The following DGKG variants were observed in gnomAD, a reference collection of about 807,000 sequenced individuals.
DGKG encodes the protein diacylglycerol kinase gamma, also known as DAG kinase gamma.
Under a neutral mutation model 105.3 loss-of-function variants are expected in DGKG, and 78 were observed. That is an observed-to-expected ratio of 0.74 (90% CI 0.62 to 0.89). DGKG has a LOEUF of 0.89. Ranked by LOEUF, DGKG falls within the 40% of genes least tolerant of loss-of-function variation. DGKG has a pLI of 0.00. For synonymous variants in DGKG, 346 were observed against 367.1 expected (o/e 0.94, Z 0.66); for missense variants, 958 against 1,020.1 (o/e 0.94, Z 0.83).
At chr3:186,204,451 A>G (rs1252144759) in intron 21 of DGKG, among the ~76,000 whole-genome samples, 1 of 152,144 alleles carries the variant, frequency 6.6e-6, no homozygotes, top group Non-Finnish European at 1.5e-5. Flanking sequence ...TGGAATAGCT[A>G]AAGGTATCTG....
Position 186,176,329 on chromosome 3 carries a change from A to T in DGKG, c.2096-11311T>A, listed in dbSNP as rs576499956. On this transcript the variant is annotated intron_variant, in intron 22 of 24. Transcript: ENST00000265022. ...ATCCTGATTCTCAGGCGTGGCATAT[A>T]CAAGGTACATTCCAGAGATCTGCAC... Among the ~76,000 whole-genome samples, 50 of 152,268 alleles carry T rather than the reference A, an allele frequency of 3.3e-4. 1 individual carries two copies. The highest frequency in any genetic ancestry group is 1.2e-3 in the African/African-American group (48 of 41,540).
chr3:186,174,652 CTGTGTGTGTGTGTGTGTGTG>C lies in DGKG; in HGVS notation c.2096-9654_2096-9635del, dbSNP rs67342971. Among the ~76,000 whole-genome samples the C allele has an allele frequency of 9.6e-3, 1,396 of 145,910 alleles. 27 individuals carry two copies. Among genetic ancestry groups the C allele is most frequent in the African/African-American group, 0.032 (1,255 of 39,404 alleles). ...ATGAACTCCCCTCCTTTCCCTGCGG[CTGTGTGTGTGTGTGTGTGTG>C]TGTGTGTGTGTGTGTGTGTGTGTGT... On this transcript the variant is annotated intron_variant, in intron 22 of 24. Transcript: ENST00000265022.
At position 186,149,797 on chromosome 3, in the gene DGKG, G is replaced by C; in HGVS notation, c.*293C>G. 8.9e-7 allele frequency: 1 copy of C among 1,127,200 alleles called. No individual in the cohort carries two copies. Among genetic ancestry groups the C allele is most frequent in the East Asian group, 5.2e-5 (1 of 19,308 alleles). The allele number at this position is 1,127,200 out of a possible 1,614,324, so 69.8% of individuals were successfully genotyped here. On this transcript the variant is annotated 3_prime_UTR_variant, in exon 25 of 25. Coordinates refer to ENST00000265022, the MANE Select transcript of DGKG (RefSeq NM_001346.3). ...TTCAGTCTCAGAAAATTCTGCTCAA[G>C]GCCTGTGGGAATGTGGAGGTTGCTG... is the stretch of plus-strand genomic sequence containing the variant.
chr3:186,231,638 G>T lies in DGKG; in HGVS notation c.1826+10866C>A, dbSNP rs1438349841. The stretch of plus-strand genomic sequence containing the variant: ...ATTCATGCTTTAAAAACTATACTAG[G>T]CCAGGTGTGGTCACTCACGCCTGTA... On this transcript the variant is annotated intron_variant, in intron 20 of 24. Transcript: ENST00000265022. This position sits in a 1 kb window ranked among gnomAD's most constrained non-coding sequence, Gnocchi z 4.5. Among the ~76,000 whole-genome samples the T allele has an allele frequency of 6.6e-6, 1 of 152,090 alleles. No homozygotes were observed. Among genetic ancestry groups the T allele is most frequent in the Admixed American group, 6.5e-5 (1 of 15,272 alleles).
chr3:186,261,922 C>T (rs557402694), intron 14 of DGKG, 144 bp from the exon 15 acceptor site: 10 of 585,250 alleles, frequency 1.7e-5, no homozygotes, highest in Admixed American at 9.0e-5. Context: ...GCTGAATTTT[C>T]GGAGGGGCTA....
intron 17 of DGKG, among the ~76,000 whole-genome samples, chr3:186,255,194 C>A (rs1721407407): frequency 6.6e-6 from 1 of 152,224 alleles, no homozygotes; most frequent in African/African-American, 2.4e-5. Context: ...ATTCTCACAG[C>A]ATCTTCATAC....
At chr3:186,299,760 TTCTTTTCTC>T (rs1342085303) in intron 3 of DGKG, among the ~76,000 whole-genome samples, 1 of 150,918 alleles carries the variant, frequency 6.6e-6, no homozygotes, top group African/African-American at 2.5e-5. Context: ...TCTTTTTTTC[TTCTTTTCTC>T]TTTCTTTCTT....
chr3:186,230,368 G>C (rs1332252936), intron 20 of DGKG, among the ~76,000 whole-genome samples: 1 of 152,190 alleles, frequency 6.6e-6, no homozygotes, highest in Non-Finnish European at 1.5e-5. Context: ...GGTTCGTTCA[G>C]AATATTCTGT....
chr3:186,193,932 C>T (rs1718040634), intron 21 of DGKG, among the ~76,000 whole-genome samples: 1 of 152,224 alleles, frequency 6.6e-6, no homozygotes, highest in East Asian at 1.9e-4. Flanking sequence ...GGATTTATAG[C>T]CCGGAGTGGG....
chr3:186,346,643 T>G (rs552514503), intron 1 of DGKG, among the ~76,000 whole-genome samples: 2 of 132,706 alleles, frequency 1.5e-5, no homozygotes, highest in South Asian at 4.2e-4. Flanking sequence ...TAGATTATCC[T>G]AGAGTAACTA....
chr3:186,293,223 T>A (rs1723390951), intron 5 of DGKG, among the ~76,000 whole-genome samples: 1 of 152,240 alleles, frequency 6.6e-6, no homozygotes, highest in Non-Finnish European at 1.5e-5. Context: ...TTCACCATTA[T>A]AGTATACAGA....
At chr3:186,359,540 A>G (rs1727130052) in intron 1 of DGKG, among the ~76,000 whole-genome samples, 1 of 152,194 alleles carries the variant, frequency 6.6e-6, no homozygotes, top group African/African-American at 2.4e-5. Context: ...CATACTAGCT[A>G]TGTAACTTGG....
At chr3:186,160,729 T>C (rs1716251356) in intron 24 of DGKG, 1 of 985,294 alleles carries the variant, frequency 1.0e-6, no homozygotes, top group Non-Finnish European at 1.2e-6. Flanking sequence ...GCAATCTTAT[T>C]GAGGGTATTA....
chr3:186,269,650 T>A (rs1235005521), intron 11 of DGKG, among the ~76,000 whole-genome samples: 1 of 152,140 alleles, frequency 6.6e-6, no homozygotes, highest in East Asian at 1.9e-4. Flanking sequence ...TTAATATGTT[T>A]TAAAGCACTC....
rs190180075 is a variant in DGKG at position 186,151,435 on chromosome 3, T to C, written c.2278-1247A>G. Reference sequence around the variant, plus strand: ...AGTGGTGTCCAAAACAAGGTGGGCATGGAATGAGAAAAGTCTGATGGGAAC... The same window carrying C: ...AGTGGTGTCCAAAACAAGGTGGGCACGGAATGAGAAAAGTCTGATGGGAAC... On this transcript the variant is annotated intron_variant, in intron 24 of 24. Coordinates refer to ENST00000265022, the MANE Select transcript of DGKG (RefSeq NM_001346.3). 1.5e-3 allele frequency among the ~76,000 whole-genome samples: 229 copies of C among 152,196 alleles called. 2 individuals carry two copies. Among genetic ancestry groups the C allele is most frequent in the African/African-American group, 5.3e-3 (220 of 41,520 alleles).
chr3:186,201,911 G>GC (rs1468913660), intron 21 of DGKG, among the ~76,000 whole-genome samples: 1 of 152,184 alleles, frequency 6.6e-6, no homozygotes, highest in Non-Finnish European at 1.5e-5. Context: ...CTGAATGGGA[G>GC]CCCCTTTATC....
chr3:186,253,969 C>T (rs73885814), intron 17 of DGKG, among the ~76,000 whole-genome samples: 431 of 152,344 alleles, frequency 2.8e-3, no homozygotes, highest in African/African-American at 0.01. Context: ...GTCACTTCCA[C>T]CACCTCTCAG....
At chr3:186,216,225 C>G (rs1184185398) in intron 20 of DGKG, among the ~76,000 whole-genome samples, 1 of 152,040 alleles carries the variant, frequency 6.6e-6, no homozygotes, top group Non-Finnish European at 1.5e-5. Context: ...GTCTTGAACT[C>G]CTGGCCTTAT....
intron 16 of DGKG, among the ~76,000 whole-genome samples, chr3:186,260,142 A>G (rs7622603): frequency 0.038 from 5,737 of 152,274 alleles, 124 homozygotes; most frequent in African/African-American, 0.044. Flanking sequence ...ATAATTTACC[A>G]GCCTGTTCCT....
Sources: gnomAD v4.1 joint callset for allele counts (sites outside exome capture counted in the v4.1 genomes callset) on GRCh38, gnomAD v4.1.1 for gene constraint, Gnocchi (gnomAD v3.1) non-coding constraint, MANE v1.5 for transcripts, NCBI Gene and HGNC (gene_info 2026-07-23, HGNC 2026-07-21) for gene names.